Variants in UNKL observed in about 807,000 individuals in gnomAD.
UNKL encodes the protein putative E3 ubiquitin-protein ligase UNKL.
A neutral mutation model predicts 78.0 loss-of-function variants in UNKL; 60 were observed. The observed-to-expected ratio is 0.77, with a 90% CI of 0.63 to 0.95. The LOEUF (loss-of-function observed/expected upper bound fraction) is 0.95, where lower values mean the gene tolerates loss of function less well. Ranked by LOEUF, UNKL falls within the 40% of genes least tolerant of loss-of-function variation. The probability of loss-of-function intolerance (pLI) is 0.00; values close to 1 mark genes in which losing one functional copy is unlikely to be tolerated. For synonymous variants in UNKL, 608 were observed against 474.8 expected, an observed-to-expected ratio of 1.28 and a Z score of -3.65; for missense variants, 1,159 against 1,045.7, an observed-to-expected ratio of 1.11 and a Z score of -1.49.
At chr16:1,380,524 C>G (rs2036561782) in intron 10 of UNKL, among the ~76,000 whole-genome samples, 1 of 150,692 alleles carries the variant, frequency 6.6e-6, no homozygotes, top group African/African-American at 2.4e-5. Flanking sequence ...CAGACATGGA[C>G]AGAGGAAAAA....
chr16:1,368,240 G>A (rs34832920), intron 12 of UNKL: 223,922 of 274,470 alleles, frequency 0.82, 94,641 homozygotes, highest in East Asian at 1. Flanking sequence ...CCACAGAGCT[G>A]TGTCCATGTG....
chr16:1,396,600 CTTTTTT>C (rs1280541074), intron 6 of UNKL, among the ~76,000 whole-genome samples: 1 of 151,566 alleles, frequency 6.6e-6, no homozygotes, highest in Non-Finnish European at 1.5e-5. Flanking sequence ...TTTTCTTTTT[CTTTTTT>C]TTCCTGAGGC....
chr16:1,398,679 G>GCGGGC, intron 5 of UNKL: 27 of 1,355,908 alleles, frequency 2.0e-5, no homozygotes, highest in African/African-American at 4.5e-5. Flanking sequence ...TGTGGGGTCT[G>GCGGGC]CACCCCCCCA....
chr16:1,404,264 C>T (rs2037654113), intron 2 of UNKL, among the ~76,000 whole-genome samples: 1 of 152,226 alleles, frequency 6.6e-6, no homozygotes, highest in African/African-American at 2.4e-5. Flanking sequence ...GGACTGAAAC[C>T]TTCACCTCCA....
chr16:1,414,080 C>A (rs201417307), intron 1 of UNKL, 25 bp from the exon 2 acceptor site: 21 of 1,522,822 alleles, frequency 1.4e-5, no homozygotes, highest in Non-Finnish European at 1.9e-5. Flanking sequence ...AGCGCCGCGG[C>A]TCGCTTCCGG....
At position 1,366,139 on chromosome 16, in the gene UNKL, T is replaced by C; in HGVS notation, c.*101A>G. The stretch of plus-strand genomic sequence containing the variant: ...TAACAGGAAGGGCTCCCAGCCTCGG[T>C]CCTCACGTCGGTGGCACCAGAAGCG... On this transcript the variant is annotated 3_prime_UTR_variant, in exon 15 of 15. Coordinates refer to ENST00000389221, the MANE Select transcript of UNKL (RefSeq NM_001372107.1). 1.5e-6 allele frequency: 2 copies of C among 1,338,930 alleles called. No homozygotes were observed. The highest frequency in any genetic ancestry group is 6.0e-5 in the Admixed American group (2 of 33,390). 82.9% of individuals were successfully genotyped at this position (1,338,930 alleles called of 1,614,324 possible). A position where few individuals can be genotyped will look rare whatever the true frequency, so the allele number is the denominator to read the frequency against.
At chr16:1,391,515 T>C (rs1353493179) in intron 8 of UNKL, among the ~76,000 whole-genome samples, 1 of 152,042 alleles carries the variant, frequency 6.6e-6, no homozygotes, top group East Asian at 1.9e-4. Context: ...CCTAGGCGGG[T>C]CTCGAACTCC....
intron 2 of UNKL, chr16:1,407,436 G>C (rs1386534265): frequency 6.6e-6 from 1 of 152,162 alleles, no homozygotes; most frequent in African/African-American, 2.4e-5. Flanking sequence ...GAGGCCGGGC[G>C]CAGTGGCTCA....
intron 10 of UNKL, among the ~76,000 whole-genome samples, chr16:1,382,077 A>G (rs2036625576): frequency 1.3e-5 from 2 of 152,192 alleles, no homozygotes; most frequent in Admixed American, 6.5e-5. Flanking sequence ...AACTCATGAG[A>G]CCTCTCTGTT....
At position 1,399,451 on chromosome 16, in the gene UNKL, C is replaced by T. The variant is rs757988079; in HGVS notation, c.657G>A (p.Leu219=). The change falls in exon 5 of 15, where the codon CTG becomes CTA. Residue 219 remains leucine (L), a synonymous_variant. Coordinates refer to ENST00000389221, the MANE Select transcript of UNKL (RefSeq NM_001372107.1). This position sits in a 1 kb window ranked among gnomAD's most constrained non-coding sequence, Gnocchi z 5.8. ...GTGGGCACGCATAGCCCTGGCGGCA[C>T]AGGCGTGGCGGCTTCGGGCACTGCT... ...KTEQCPKPPR[L]CRQGYACPHY... is the part of the protein sequence containing the mutation. 24 of 1,604,586 alleles carry T rather than the reference C, an allele frequency of 1.5e-5. No individual in the cohort carries two copies. Among genetic ancestry groups the T allele is most frequent in the Non-Finnish European group, 2.0e-5 (24 of 1,176,324 alleles).
chr16:1,371,510 C>G lies in UNKL; in HGVS notation c.1357+9G>C. The G allele has an allele frequency of 6.5e-7, 1 of 1,536,052 alleles. No individual in the cohort carries two copies. The highest frequency in any genetic ancestry group is 8.7e-7 in the Non-Finnish European group (1 of 1,146,830). On this transcript the variant is annotated intron_variant, in intron 11 of 14. Coordinates refer to ENST00000389221, the MANE Select transcript of UNKL (RefSeq NM_001372107.1). ...GAGGAGCAGGGCCCCAGGTCCTCCCCACCCTCACCTGCTGCTCCCAGGTCG... is the reference window on the plus strand; with the variant it reads ...GAGGAGCAGGGCCCCAGGTCCTCCCGACCCTCACCTGCTGCTCCCAGGTCG...
intron 9 of UNKL, among the ~76,000 whole-genome samples, chr16:1,389,709 G>A (rs567820417): frequency 2.6e-5 from 4 of 152,270 alleles, no homozygotes; most frequent in Non-Finnish European, 5.9e-5. Context: ...CAGAGGACAC[G>A]GAGGAGGCAG....
chr16:1,410,111 T>C (rs1187106236), intron 2 of UNKL, among the ~76,000 whole-genome samples: 1 of 151,890 alleles, frequency 6.6e-6, no homozygotes, highest in African/African-American at 2.4e-5. Flanking sequence ...TATGAAAAGA[T>C]GCTTTCTCGC....
At chr16:1,374,476 G>A (rs576440665) in intron 10 of UNKL, among the ~76,000 whole-genome samples, 33 of 152,290 alleles carry the variant, frequency 2.2e-4, no homozygotes, top group South Asian at 8.3e-4. Context: ...CATGGCCCCA[G>A]GCAACCGCAC....
intron 6 of UNKL, chr16:1,394,642 A>G (rs2142150657): frequency 2.5e-6 from 1 of 406,516 alleles, no homozygotes; most frequent in Non-Finnish European, 5.0e-6. Flanking sequence ...ACAACACTTA[A>G]GACCCGGCAA....
rs2036766273 is a variant in UNKL at position 1,385,282 on chromosome 16, G to A, written c.1190C>T (p.Pro397Leu). 2.2e-6 allele frequency: 3 copies of A among 1,367,968 alleles called. No homozygotes were observed. The highest frequency in any genetic ancestry group is 1.5e-5 in the African/African-American group (1 of 65,412). 84.7% of individuals were successfully genotyped at this position (1,367,968 alleles called of 1,614,324 possible). Residue 397 changes from proline to leucine, a missense_variant, in exon 10 of 15, where the codon CCC (proline) becomes CTC (leucine). By Grantham distance (98) the Pro-to-Leu change is moderately conservative. Coordinates refer to ENST00000389221, the MANE Select transcript of UNKL (RefSeq NM_001372107.1). The part of the protein sequence containing the change: ...ASSAGSGSSS[P>L]TALPAPPARA... ...GGCGGGGGGCGCGGGCAGCGCAGTG[G>A]GGGAGGAGCTGCCGGAGCCGGCGCT...
chr16:1,370,898 A>T (rs1004846020), intron 11 of UNKL, among the ~76,000 whole-genome samples: 1 of 152,170 alleles, frequency 6.6e-6, no homozygotes, highest in African/African-American at 2.4e-5. Context: ...CCTGGCTAAC[A>T]TGGTGAAACC....
At chr16:1,370,458 G>C in intron 11 of UNKL, 101 bp from the exon 12 acceptor site, 2 of 1,482,964 alleles carry the variant, frequency 1.3e-6, no homozygotes, top group South Asian at 2.5e-5. Flanking sequence ...GCAGGTGGTG[G>C]TGGTGGGGAT....
chr16:1,392,924 A>C lies in UNKL; in HGVS notation c.990T>G (p.Ser330Arg), dbSNP rs2037107585. ...EWGCHDLHLT[S>R]PSSTGSGQPG... ...GCTGGCCGCTGCCCGTGGAGGAAGG[A>C]CTCGTGAGGTGGAGGTCGTGACAGC... Residue 330 changes from serine to arginine, a missense_variant, in exon 8 of 15, where the codon AGT (serine) becomes AGG (arginine). Ser to Arg is a moderately radical substitution (Grantham distance 110). Transcript: ENST00000389221. The C allele has an allele frequency of 2.6e-6, 4 of 1,550,342 alleles. No homozygotes were observed. Among genetic ancestry groups the C allele is most frequent in the South Asian group, 1.2e-5 (1 of 84,068 alleles).
Sources: allele counts gnomAD v4.1 joint callset (sites outside exome capture counted in the v4.1 genomes callset), GRCh38; gene constraint gnomAD v4.1.1; non-coding constraint Gnocchi (gnomAD v3.1); transcripts MANE v1.5; gene names NCBI Gene and HGNC (gene_info 2026-07-23, HGNC 2026-07-21).